DRC11: variants seen among roughly 807,000 people sequenced by gnomAD.
DRC11 encodes the protein dynein regulatory complex subunit 11.
chr2:236,459,680 T>TATATAC, the DRC11 span, among the ~76,000 whole-genome samples: 9 of 122,028 alleles, frequency 7.4e-5, no homozygotes, highest in African/African-American at 2.5e-4. Flanking sequence ...TACGTATATA[T>TATATAC]GTATATACAT....
chr2:236,499,421 C>A, the DRC11 span, among the ~76,000 whole-genome samples: 21 of 152,232 alleles, frequency 1.4e-4, no homozygotes, highest in African/African-American at 5.1e-4. This position sits in a 1 kb window ranked among gnomAD's most constrained non-coding sequence, Gnocchi z 4.7. Flanking sequence ...GCCTGCTCTC[C>A]CTTTCCCACA....
chr2:236,403,972 C>T, the DRC11 span, among the ~76,000 whole-genome samples: 1 of 151,970 alleles, frequency 6.6e-6, no homozygotes, highest in Middle Eastern at 3.2e-3. Context: ...CACGTTTCCC[C>T]GAATAGAAAC....
At chr2:236,492,868 G>A in the DRC11 span, among the ~76,000 whole-genome samples, 1 of 152,174 alleles carries the variant, frequency 6.6e-6, no homozygotes, top group African/African-American at 2.4e-5. Context: ...CAAATCCTGT[G>A]GACAAAGGAG....
chr2:236,356,970 TA>T, the DRC11 span, among the ~76,000 whole-genome samples: 3,067 of 81,606 alleles, frequency 0.038, 244 homozygotes, highest in African/African-American at 0.14. Flanking sequence ...ATATATATAT[TA>T]TATATTCATA....
chr2:236,345,028 T>C, the DRC11 span, among the ~76,000 whole-genome samples: 108 of 102,988 alleles, frequency 1.0e-3, no homozygotes, highest in Middle Eastern at 6.5e-3. Flanking sequence ...TGGTTGTAAA[T>C]GTGCTTCCCT....
the DRC11 span, among the ~76,000 whole-genome samples, chr2:236,329,354 TTCC>T: frequency 6.6e-6 from 1 of 152,204 alleles, no homozygotes; most frequent in Non-Finnish European, 1.5e-5. Flanking sequence ...ATATCTCAGT[TTCC>T]TCATGTGCAA....
At chr2:236,326,840 G>A in the DRC11 span, among the ~76,000 whole-genome samples, 1 of 134,632 alleles carries the variant, frequency 7.4e-6, no homozygotes, top group Non-Finnish European at 1.6e-5. Flanking sequence ...GTGTGTGTGT[G>A]TTTGAGATGG....
the DRC11 span, among the ~76,000 whole-genome samples, chr2:236,499,640 G>A: frequency 6.6e-6 from 1 of 152,308 alleles, no homozygotes; most frequent in Admixed American, 6.5e-5. This position sits in a 1 kb window ranked among gnomAD's most constrained non-coding sequence, Gnocchi z 4.7. Flanking sequence ...ACACTGGCCA[G>A]GCTGGTCTCG....
the DRC11 span, among the ~76,000 whole-genome samples, chr2:236,476,723 CT>C: frequency 6.7e-6 from 1 of 149,266 alleles, no homozygotes; most frequent in Non-Finnish European, 1.5e-5. This position sits in a 1 kb window ranked among gnomAD's most constrained non-coding sequence, Gnocchi z 4.7. Context: ...AATGACCTTT[CT>C]TTTTTTTTCC....
chr2:236,488,498 A>C, the DRC11 span, among the ~76,000 whole-genome samples: 1 of 152,192 alleles, frequency 6.6e-6, no homozygotes, highest in Non-Finnish European at 1.5e-5. Context: ...ATGTCAATAA[A>C]ATTGATTCAG....
At chr2:236,330,974 A>G in the DRC11 span, among the ~76,000 whole-genome samples, 1 of 152,234 alleles carries the variant, frequency 6.6e-6, no homozygotes, top group African/African-American at 2.4e-5. The surrounding 1 kb of genome is among the most constrained non-coding windows in gnomAD (Gnocchi z 5.5). Context: ...TTCCATGACA[A>G]TTGTGGGCCC....
At chr2:236,366,836 CTT>C in the DRC11 span, among the ~76,000 whole-genome samples, 6 of 122,184 alleles carry the variant, frequency 4.9e-5, no homozygotes, top group South Asian at 2.8e-4. Context: ...CTCTCTCTCT[CTT>C]TCTCTCTTTC....
the DRC11 span, among the ~76,000 whole-genome samples, chr2:236,380,396 C>T: frequency 1.1e-4 from 17 of 152,204 alleles, no homozygotes; most frequent in Non-Finnish European, 1.9e-4. The surrounding 1 kb of genome is among the most constrained non-coding windows in gnomAD (Gnocchi z 4.9). Context: ...TTCTGGGCCA[C>T]CCAGGCATCT....
the DRC11 span, among the ~76,000 whole-genome samples, chr2:236,363,086 T>C: frequency 6.6e-6 from 1 of 152,220 alleles, no homozygotes; most frequent in Non-Finnish European, 1.5e-5. The surrounding 1 kb of genome is among the most constrained non-coding windows in gnomAD (Gnocchi z 5.6). Flanking sequence ...TAGGCTTTGA[T>C]ACAGTAAAAG....
the DRC11 span, among the ~76,000 whole-genome samples, chr2:236,444,435 G>C: frequency 1.3e-5 from 2 of 152,178 alleles, no homozygotes; most frequent in Non-Finnish European, 2.9e-5. Flanking sequence ...GCAATGTCTT[G>C]GTATTCATTT....
At chr2:236,333,589 T>C in the DRC11 span, among the ~76,000 whole-genome samples, 1 of 152,198 alleles carries the variant, frequency 6.6e-6, no homozygotes, top group Non-Finnish European at 1.5e-5. This position sits in a 1 kb window ranked among gnomAD's most constrained non-coding sequence, Gnocchi z 6.0. Context: ...CTGGGTTTCA[T>C]GCTTGCGGAC....
chr2:236,502,850 G>A, the DRC11 span, among the ~76,000 whole-genome samples: 1 of 151,952 alleles, frequency 6.6e-6, no homozygotes, highest in African/African-American at 2.4e-5. Flanking sequence ...AGCTACTCAA[G>A]AGGCTGAGAT....
the DRC11 span, among the ~76,000 whole-genome samples, chr2:236,411,536 C>T: frequency 6.6e-6 from 1 of 152,014 alleles, no homozygotes; most frequent in African/African-American, 2.4e-5. Context: ...CCCAGCCATC[C>T]CATTACTGGG....
chr2:236,342,907 C>T, the DRC11 span, among the ~76,000 whole-genome samples: 9 of 152,128 alleles, frequency 5.9e-5, no homozygotes, highest in South Asian at 4.1e-4. This position sits in a 1 kb window ranked among gnomAD's most constrained non-coding sequence, Gnocchi z 5.8. Flanking sequence ...CAACACACGA[C>T]GGACTCCTCT....
Sources: gnomAD v4.1 joint callset for allele counts (sites outside exome capture counted in the v4.1 genomes callset) on GRCh38, gnomAD v4.1.1 for gene constraint, Gnocchi (gnomAD v3.1) non-coding constraint, MANE v1.5 for transcripts, NCBI Gene and HGNC (gene_info 2026-07-23, HGNC 2026-07-21) for gene names.